WNT3: variants seen among roughly 807,000 people sequenced by gnomAD.
WNT3 encodes the protein proto-oncogene Wnt-3.
Under a neutral mutation model 34.2 loss-of-function variants are expected in WNT3, and 7 were observed. The observed-to-expected ratio is 0.20, with a 90% CI of 0.12 to 0.38. The LOEUF (loss-of-function observed/expected upper bound fraction) is 0.38. Among genes scored for constraint, WNT3 ranks in the 10% least tolerant of loss-of-function variants. The probability of loss-of-function intolerance (pLI) is 1.00; values close to 1 mark genes in which losing one functional copy is unlikely to be tolerated. For missense variants in WNT3, 267 were observed against 499.8 expected, an observed-to-expected ratio of 0.53 and a Z score of 4.44; for synonymous variants, 212 against 211.5, an observed-to-expected ratio of 1.00 and a Z score of -0.02.
chr17:46,770,767 G>A (rs921907931), intron 2 of WNT3, among the ~76,000 whole-genome samples: 1 of 152,166 alleles, frequency 6.6e-6, no homozygotes, highest in Non-Finnish European at 1.5e-5. Flanking sequence ...TCCAGCGCAG[G>A]GAAAGGAGAG....
intron 1 of WNT3, among the ~76,000 whole-genome samples, chr17:46,806,225 T>G (rs1568094802): frequency 1.3e-5 from 2 of 148,844 alleles, no homozygotes; most frequent in Non-Finnish European, 3.0e-5. Context: ...TTTTTTTTTT[T>G]TTTGAGACAG....
At chr17:46,797,158 G>A (rs181322794) in intron 1 of WNT3, among the ~76,000 whole-genome samples, 4 of 152,262 alleles carry the variant, frequency 2.6e-5, no homozygotes, top group African/African-American at 9.6e-5. Flanking sequence ...ACACCAAGAG[G>A]CTCCAAGTTG....
chr17:46,817,154 A>C (rs1399643822), intron 1 of WNT3, among the ~76,000 whole-genome samples: 1 of 152,180 alleles, frequency 6.6e-6, no homozygotes, highest in Non-Finnish European at 1.5e-5. Context: ...ACACCCAGAC[A>C]CAAATGCTGC....
intron 1 of WNT3, among the ~76,000 whole-genome samples, chr17:46,803,469 G>T (rs1264921300): frequency 6.6e-6 from 1 of 152,190 alleles, no homozygotes; most frequent in South Asian, 2.1e-4. Flanking sequence ...GGGAGGCAGA[G>T]GTTATAGTGA....
At chr17:46,794,876 G>A (rs1359463058) in intron 1 of WNT3, among the ~76,000 whole-genome samples, 3 of 151,360 alleles carry the variant, frequency 2.0e-5, no homozygotes, top group South Asian at 2.1e-4. Context: ...TCAGCCTTCC[G>A]AGTAGCTGGA....
At chr17:46,782,592 A>G (rs1040148222) in intron 1 of WNT3, among the ~76,000 whole-genome samples, 1 of 152,242 alleles carries the variant, frequency 6.6e-6, no homozygotes, top group Non-Finnish European at 1.5e-5. Context: ...TTAGGTCAAG[A>G]AGCCGTTCAG....
At chr17:46,801,933 T>C (rs2084130769) in intron 1 of WNT3, among the ~76,000 whole-genome samples, 2 of 152,162 alleles carry the variant, frequency 1.3e-5, no homozygotes, top group South Asian at 4.1e-4. Flanking sequence ...TTGAGACCAC[T>C]CAACGAAGCC....
chr17:46,816,119 A>ACACGCACG (rs1555689257), intron 1 of WNT3, among the ~76,000 whole-genome samples: 12 of 150,666 alleles, frequency 8.0e-5, no homozygotes, highest in Admixed American at 3.3e-4. Flanking sequence ...ACGTACACAC[A>ACACGCACG]CACACACACA....
intron 1 of WNT3, among the ~76,000 whole-genome samples, chr17:46,794,651 T>G (rs2084029494): frequency 6.6e-6 from 1 of 152,062 alleles, no homozygotes; most frequent in Non-Finnish European, 1.5e-5. Flanking sequence ...GTCCTATTGG[T>G]CTATAGATGC....
chr17:46,784,094 T>G (rs1173227103), intron 1 of WNT3, among the ~76,000 whole-genome samples: 1 of 151,706 alleles, frequency 6.6e-6, no homozygotes, highest in Admixed American at 6.6e-5. Flanking sequence ...GTCACCGGGG[T>G]CTGTGGCAGG....
intron 1 of WNT3, among the ~76,000 whole-genome samples, chr17:46,787,920 C>T (rs2059524749): frequency 6.6e-6 from 1 of 150,520 alleles, no homozygotes; most frequent in Non-Finnish European, 1.5e-5. Flanking sequence ...TGTGCCACTG[C>T]ACTCCAGCCT....
chr17:46,810,004 C>CTTTTTT (rs11292601), intron 1 of WNT3, among the ~76,000 whole-genome samples: 16 of 126,382 alleles, frequency 1.3e-4, no homozygotes, highest in African/African-American at 1.8e-4. Context: ...TTCTTTCTTT[C>CTTTTTT]TTTTTTTTTT....
At chr17:46,790,390 G>C (rs1443699065) in intron 1 of WNT3, among the ~76,000 whole-genome samples, 1 of 152,090 alleles carries the variant, frequency 6.6e-6, no homozygotes, top group Non-Finnish European at 1.5e-5. Flanking sequence ...AGGCTGCCTG[G>C]GCCCCCTGCA....
chr17:46,795,903 C>T (rs1043706989), intron 1 of WNT3, among the ~76,000 whole-genome samples: 5 of 152,160 alleles, frequency 3.3e-5, no homozygotes, highest in Admixed American at 1.3e-4. Context: ...CATGCATGCA[C>T]GCACACACAC....
intron 1 of WNT3, among the ~76,000 whole-genome samples, chr17:46,802,145 A>G (rs1482650754): frequency 1.3e-5 from 2 of 152,264 alleles, no homozygotes; most frequent in Non-Finnish European, 2.9e-5. Flanking sequence ...TAGAAACTCC[A>G]AAGTGATGTC....
intron 1 of WNT3, among the ~76,000 whole-genome samples, chr17:46,791,371 A>G (rs1376048025): frequency 6.6e-6 from 1 of 151,816 alleles, no homozygotes; most frequent in African/African-American, 2.4e-5. Flanking sequence ...ACCTGGCTAA[A>G]TTTTTTTGTA....
chr17:46,766,614 G>A lies in WNT3; in HGVS notation c.*8+1698C>T, dbSNP rs575634177. On this transcript the variant is annotated intron_variant, in intron 4 of 4. Coordinates refer to ENST00000225512, the MANE Select transcript of WNT3 (RefSeq NM_030753.5). ...TTTCTGGACTGTCCCCACCAGGACA[G>A]AACTTGAGCTACACCGAGGGGCTTC... Among the ~76,000 whole-genome samples, 4 of 152,242 alleles carry A rather than the reference G, an allele frequency of 2.6e-5. No homozygotes were observed. The South Asian group carries it at 8.3e-4, about 32-fold the overall frequency.
intron 1 of WNT3, among the ~76,000 whole-genome samples, chr17:46,779,224 C>T (rs1469408891): frequency 3.3e-5 from 5 of 152,306 alleles, no homozygotes; most frequent in Admixed American, 1.3e-4. Context: ...CCAGACCTCC[C>T]GGCATCCGGA....
intron 1 of WNT3, among the ~76,000 whole-genome samples, chr17:46,788,303 C>G (rs879455573): frequency 3.9e-5 from 6 of 152,148 alleles, no homozygotes; most frequent in Non-Finnish European, 8.8e-5. Flanking sequence ...CCTTCCTGAC[C>G]CCTCCAAACC....
Sources: gnomAD v4.1 joint callset for allele counts (sites outside exome capture counted in the v4.1 genomes callset) on GRCh38, gnomAD v4.1.1 for gene constraint, MANE v1.5 for transcripts, NCBI Gene and HGNC (gene_info 2026-07-23, HGNC 2026-07-21) for gene names.